The following DGKH variants were observed in gnomAD, a reference collection of about 807,000 sequenced individuals.
The protein encoded by DGKH is DAG kinase eta.
A neutral mutation model predicts 159.3 loss-of-function variants in DGKH; 90 were observed. That is an observed-to-expected ratio of 0.57 (90% CI 0.48 to 0.67). The LOEUF is 0.67. Among genes scored for constraint, DGKH ranks in the 30% least tolerant of loss-of-function variants. The pLI, the probability that DGKH is intolerant of heterozygous loss-of-function variation, is 0.00. For missense variants in DGKH, 1,181 were observed against 1,506.1 expected, an observed-to-expected ratio of 0.78 and a Z score of 3.57; for synonymous variants, 536 against 553.8, an observed-to-expected ratio of 0.97 and a Z score of 0.45.
chr13:42,253,154 T>G (rs549860189), intron 30 of DGKH, among the ~76,000 whole-genome samples: 1 of 152,198 alleles, frequency 6.6e-6, no homozygotes, highest in Non-Finnish European at 1.5e-5. Flanking sequence ...AGTGCTATAG[T>G]CTAGTTTGTG....
chr13:42,041,274 T>A (rs1245698409), intron 1 of DGKH, among the ~76,000 whole-genome samples: 1 of 152,046 alleles, frequency 6.6e-6, no homozygotes, highest in Non-Finnish European at 1.5e-5. Context: ...GCGGTCAGCG[T>A]GGGGAGTCTG....
chr13:42,207,029 C>CTTTCTTTCTTTCTT (rs1957501891), intron 21 of DGKH, among the ~76,000 whole-genome samples: 5 of 92,006 alleles, frequency 5.4e-5, no homozygotes, highest in African/African-American at 2.2e-4. Context: ...CTTTCTTTTT[C>CTTTCTTTCTTTCTT]TTTCTTTCTT....
intron 3 of DGKH, chr13:42,153,609 G>C (rs1955971581): frequency 6.6e-6 from 1 of 152,208 alleles, no homozygotes; most frequent in Non-Finnish European, 1.5e-5. Flanking sequence ...AGTCATTAGA[G>C]CCAGGAGTGT....
At chr13:42,128,866 T>C (rs927735977) in intron 2 of DGKH, among the ~76,000 whole-genome samples, 3 of 152,216 alleles carry the variant, frequency 2.0e-5, no homozygotes, top group African/African-American at 7.2e-5. Flanking sequence ...CAAGTTCCGC[T>C]GTCAACTACT....
intron 1 of DGKH, among the ~76,000 whole-genome samples, chr13:42,117,965 C>T (rs1404591720): frequency 6.6e-6 from 1 of 152,146 alleles, no homozygotes; most frequent in Non-Finnish European, 1.5e-5. Flanking sequence ...CACCTGTAAT[C>T]CCAGCACTTT....
chr13:42,088,716 A>G (rs1954356691), intron 1 of DGKH, among the ~76,000 whole-genome samples: 2 of 152,172 alleles, frequency 1.3e-5, no homozygotes. Context: ...GAAAAAAGAA[A>G]GAAGAGATGA....
chr13:42,148,788 C>T (rs1955801388), intron 3 of DGKH, among the ~76,000 whole-genome samples: 1 of 151,990 alleles, frequency 6.6e-6, no homozygotes, highest in Non-Finnish European at 1.5e-5. Context: ...TTTATAATGC[C>T]CAGCCCCTGC....
intron 16 of DGKH, 114 bp downstream of exon 16, chr13:42,190,639 G>A: frequency 1.9e-6 from 2 of 1,073,936 alleles, no homozygotes; most frequent in Non-Finnish European, 2.6e-6. Context: ...TTTTTGAAAA[G>A]GCTTTTTGGA....
At chr13:42,166,130 C>T (rs1956308363) in intron 8 of DGKH, among the ~76,000 whole-genome samples, 1 of 151,858 alleles carries the variant, frequency 6.6e-6, no homozygotes, top group Admixed American at 6.6e-5. Context: ...TTAATTTATG[C>T]CAATAGATAT....
At chr13:42,243,610 A>G (rs1001540732), downstream of DGKH, among the ~76,000 whole-genome samples, 2 of 152,200 alleles carry the variant, frequency 1.3e-5, no homozygotes, top group Non-Finnish European at 2.9e-5. Flanking sequence ...GGGAGGACAA[A>G]GGAAGGGCAG....
chr13:42,069,729 A>T (rs1377134325), intron 1 of DGKH: 2 of 1,110,354 alleles, frequency 1.8e-6, no homozygotes, highest in African/African-American at 3.1e-5. Flanking sequence ...AAACTAAGTT[A>T]TCTAAATATG....
At chr13:42,147,109 A>T (rs1183225494) in intron 3 of DGKH, among the ~76,000 whole-genome samples, 1 of 152,078 alleles carries the variant, frequency 6.6e-6, no homozygotes, top group African/African-American at 2.4e-5. Context: ...TGTGTGGCCG[A>T]AGGGAGGGGA....
At chr13:42,065,807 A>C (rs1882523458) in intron 1 of DGKH, among the ~76,000 whole-genome samples, 1 of 152,080 alleles carries the variant, frequency 6.6e-6, no homozygotes, top group Non-Finnish European at 1.5e-5. Context: ...TTGTAACCCC[A>C]TGTTTGTCTG....
chr13:42,249,971 T>C (rs1958609319), intron 29 of DGKH, among the ~76,000 whole-genome samples: 1 of 150,990 alleles, frequency 6.6e-6, no homozygotes, highest in African/African-American at 2.4e-5. Context: ...GTTTTTTTGT[T>C]TTTTTGTTTT....
rs760771890 is a variant in DGKH, at chr13:42,207,062, C to CTTCT, written c.2601+965_2601+968dup. ...CTTTCCTTCTTTCCTTCTTTCCTTC[C>CTTCT]TTCTTTCTTTCTTTCTTTCTTTCTT... On this transcript the variant is annotated intron_variant, in intron 21 of 29. Coordinates refer to ENST00000337343, the MANE Select transcript of DGKH (RefSeq NM_178009.5). Among the ~76,000 whole-genome samples, 459 of 65,326 alleles carry CTTCT rather than the reference C, an allele frequency of 7.0e-3. 12 individuals carry two copies. Among genetic ancestry groups the CTTCT allele is most frequent in the African/African-American group, 0.026 (364 of 13,946 alleles). The allele number at this position is 65,326 out of a possible 152,430, so 42.9% of individuals were successfully genotyped here.
At chr13:42,143,748 C>G (rs376679528) in intron 3 of DGKH, among the ~76,000 whole-genome samples, 1 of 151,748 alleles carries the variant, frequency 6.6e-6, no homozygotes, top group East Asian at 1.9e-4. Flanking sequence ...TGGTGATATC[C>G]CCTTTATCAT....
intron 22 of DGKH, 119 bp from the exon 23 acceptor site, chr13:42,209,212 A>T (rs115503522): frequency 7.1e-7 from 1 of 1,409,246 alleles, no homozygotes. Context: ...CATGTCATTT[A>T]TAAGTGATAA....
chr13:42,068,229 A>AT (rs1458342729), intron 1 of DGKH, among the ~76,000 whole-genome samples: 1 of 152,230 alleles, frequency 6.6e-6, no homozygotes, highest in Non-Finnish European at 1.5e-5. Flanking sequence ...AACTAAGTTA[A>AT]TTTTTATAAT....
At chr13:42,127,063 A>G (rs1955185065) in intron 1 of DGKH, among the ~76,000 whole-genome samples, 1 of 152,192 alleles carries the variant, frequency 6.6e-6, no homozygotes, top group Admixed American at 6.6e-5. Flanking sequence ...CTTGCCTGAG[A>G]TCATCCAGCT....
Sources: gnomAD v4.1 joint callset for allele counts (sites outside exome capture counted in the v4.1 genomes callset) on GRCh38, gnomAD v4.1.1 for gene constraint, MANE v1.5 for transcripts, NCBI Gene and HGNC (gene_info 2026-07-23, HGNC 2026-07-21) for gene names.